XRCC5: variants seen among roughly 807,000 people sequenced by gnomAD.
The protein encoded by XRCC5 is DNA repair protein Ku80.
In XRCC5, 12 loss-of-function variants were observed where a neutral mutation model predicts 95.7. The observed-to-expected ratio is 0.13, with a 90% confidence interval of 0.08 to 0.20. The LOEUF is 0.20. Among genes scored for constraint, XRCC5 ranks in the 10% least tolerant of loss-of-function variants. XRCC5 has a pLI of 1.00. For missense variants in XRCC5, 595 were observed against 873.9 expected (o/e 0.68, Z 4.02); for synonymous variants, 281 against 290.3 (o/e 0.97, Z 0.33).
At chr2:216,196,356 A>G (rs1689720542) in intron 19 of XRCC5, among the ~76,000 whole-genome samples, 1 of 152,084 alleles carries the variant, frequency 6.6e-6, no homozygotes, top group Non-Finnish European at 1.5e-5. Context: ...GGCAATACTG[A>G]GCACCATAGG....
Position 216,202,536 on chromosome 2 carries a change from G to T in XRCC5, c.2110-1786G>T, listed in dbSNP as rs573834449. 2.0e-5 allele frequency among the ~76,000 whole-genome samples: 3 copies of T among 152,268 alleles called. No homozygotes were observed. The South Asian group carries it at 6.2e-4, about 32-fold the overall frequency. The stretch of plus-strand genomic sequence containing the variant: ...CATAATCACCCAGAATAAACAGAAT[G>T]AATGAAACAGAAGCTTCATCACAAT... On this transcript the variant is annotated intron_variant, in intron 19 of 20. Transcript: ENST00000392132.
intron 10 of XRCC5, among the ~76,000 whole-genome samples, chr2:216,135,928 G>T (rs1574460471): frequency 6.6e-6 from 1 of 152,196 alleles, no homozygotes. Flanking sequence ...GGGAAAGATA[G>T]TAAGTTTAGG....
intron 13 of XRCC5, 133 bp downstream of exon 13, chr2:216,141,452 G>T: frequency 1.4e-6 from 1 of 715,496 alleles, no homozygotes; most frequent in Non-Finnish European, 2.1e-6. Context: ...TTTAATGGAA[G>T]AATAACATCT....
chr2:216,169,688 A>G (rs1460234971), intron 16 of XRCC5, among the ~76,000 whole-genome samples: 1 of 152,120 alleles, frequency 6.6e-6, no homozygotes. Context: ...TCTCAGTCTT[A>G]TGATACCTAT....
chr2:216,178,107 C>G (rs994777890), intron 16 of XRCC5, among the ~76,000 whole-genome samples: 7 of 152,254 alleles, frequency 4.6e-5, no homozygotes, highest in Admixed American at 3.9e-4. Context: ...AGAAAAGGAT[C>G]AATGAAATAG....
chr2:216,162,319 T>A (rs1314810446), intron 16 of XRCC5, among the ~76,000 whole-genome samples: 1 of 152,202 alleles, frequency 6.6e-6, no homozygotes, highest in East Asian at 1.9e-4. Context: ...TAGCTCCACT[T>A]CATTGAAGTT....
At chr2:216,132,770 C>T (rs779005146) in intron 10 of XRCC5, among the ~76,000 whole-genome samples, 5 of 152,102 alleles carry the variant, frequency 3.3e-5, no homozygotes, top group African/African-American at 4.8e-5. Context: ...TTCTCTATTC[C>T]TCTCTCTTGG....
intron 16 of XRCC5, among the ~76,000 whole-genome samples, chr2:216,169,454 T>G (rs1689114058): frequency 6.6e-6 from 1 of 152,214 alleles, no homozygotes; most frequent in African/African-American, 2.4e-5. Context: ...CAATCAAAGC[T>G]GTAGTTATGG....
At chr2:216,109,721 C>T (rs1696550989) in intron 1 of XRCC5, among the ~76,000 whole-genome samples, 1 of 151,458 alleles carries the variant, frequency 6.6e-6, no homozygotes, top group East Asian at 1.9e-4. Context: ...CCCTCTCTAC[C>T]TGCTCTTTGT....
At chr2:216,187,466 CTG>C (rs140171958) in intron 16 of XRCC5, among the ~76,000 whole-genome samples, 15,425 of 109,990 alleles carry the variant, frequency 0.14, 1,016 homozygotes, top group Middle Eastern at 0.18. Flanking sequence ...AAGATAGCAA[CTG>C]TGTGTGTGTG....
intron 14 of XRCC5, among the ~76,000 whole-genome samples, chr2:216,149,044 G>T: frequency 6.6e-6 from 1 of 151,842 alleles, no homozygotes; most frequent in African/African-American, 2.4e-5. Context: ...CATTTCTTTT[G>T]GCTGTATTTT....
intron 4 of XRCC5, 38 bp downstream of exon 4, chr2:216,117,832 T>C: frequency 6.2e-7 from 1 of 1,605,954 alleles, no homozygotes; most frequent in South Asian, 1.1e-5. Context: ...AGAGAATCTT[T>C]TTGCAAAAAT....
At chr2:216,114,977 C>G (rs1559236046) in intron 2 of XRCC5, among the ~76,000 whole-genome samples, 1 of 152,056 alleles carries the variant, frequency 6.6e-6, no homozygotes, top group Non-Finnish European at 1.5e-5. Context: ...AGACTGGAAG[C>G]CCGGGAAAAG....
intron 14 of XRCC5, among the ~76,000 whole-genome samples, chr2:216,154,372 T>C (rs1287865435): frequency 6.6e-6 from 1 of 152,224 alleles, no homozygotes; most frequent in Non-Finnish European, 1.5e-5. Flanking sequence ...TGTTGCAAAA[T>C]TTAACTGAGA....
intron 16 of XRCC5, among the ~76,000 whole-genome samples, chr2:216,164,517 T>G (rs1187778458): frequency 6.6e-6 from 1 of 152,252 alleles, no homozygotes; most frequent in African/African-American, 2.4e-5. Flanking sequence ...AGGATTGCTT[T>G]ACTTGGGAAA....
chr2:216,146,333 C>T (rs1410154352), intron 13 of XRCC5, among the ~76,000 whole-genome samples: 1 of 152,162 alleles, frequency 6.6e-6, no homozygotes, highest in Non-Finnish European at 1.5e-5. Flanking sequence ...TACTATTAAA[C>T]CTAAGCATCT....
intron 16 of XRCC5, among the ~76,000 whole-genome samples, chr2:216,187,401 A>G (rs931574402): frequency 2.3e-4 from 35 of 149,704 alleles, no homozygotes; most frequent in African/African-American, 8.4e-4. Flanking sequence ...TATCGTTGCA[A>G]ATGGATTGTT....
chr2:216,153,567 C>T (rs1294831590), intron 14 of XRCC5, among the ~76,000 whole-genome samples: 1 of 152,172 alleles, frequency 6.6e-6, no homozygotes, highest in Non-Finnish European at 1.5e-5. Context: ...ATGCTAAGTG[C>T]TTTACACACA....
intron 10 of XRCC5, among the ~76,000 whole-genome samples, chr2:216,134,876 A>T (rs988244655): frequency 1.3e-5 from 2 of 152,238 alleles, no homozygotes; most frequent in African/African-American, 4.8e-5. Flanking sequence ...ATTAGAACAT[A>T]CATGTTTCAT....
Sources: gnomAD v4.1 joint callset for allele counts (sites outside exome capture counted in the v4.1 genomes callset) on GRCh38, gnomAD v4.1.1 for gene constraint, MANE v1.5 for transcripts, NCBI Gene and HGNC (gene_info 2026-07-23, HGNC 2026-07-21) for gene names.